The following AKAP7 variants were observed in gnomAD, a reference collection of about 807,000 sequenced individuals.
The protein encoded by AKAP7 is A-kinase anchoring protein 7.
A neutral mutation model predicts 39.5 loss-of-function variants in AKAP7; 39 were observed. That is an observed-to-expected ratio of 0.99 (90% CI 0.76 to 1.29). AKAP7 has a LOEUF of 1.29. Ranked by LOEUF, AKAP7 falls within the 50% of genes most tolerant of loss-of-function variation. The probability of loss-of-function intolerance (pLI) is 0.00; values close to 1 mark genes in which losing one functional copy is unlikely to be tolerated. For missense variants in AKAP7, 414 were observed against 407.7 expected (o/e 1.02, Z -0.13); for synonymous variants, 140 against 139.1 (o/e 1.01, Z -0.05).
intron 7 of AKAP7, among the ~76,000 whole-genome samples, chr6:131,247,272 T>C (rs1812078228): frequency 1.8e-4 from 1 of 5,588 alleles, no homozygotes; most frequent in South Asian, 6.3e-3. Context: ...TTCATATGTA[T>C]ATATATATAT....
chr6:131,134,310 C>T (rs1296357838), upstream of AKAP7, among the ~76,000 whole-genome samples: 1 of 152,058 alleles, frequency 6.6e-6, no homozygotes. Flanking sequence ...GTCACCTTTA[C>T]GAAGGGAAAT....
At chr6:131,249,011 T>C (rs1000615651) in intron 7 of AKAP7, among the ~76,000 whole-genome samples, 4 of 152,190 alleles carry the variant, frequency 2.6e-5, no homozygotes, top group Non-Finnish European at 4.4e-5. Context: ...GTGTCCTCTT[T>C]AAACCAAGGT....
intron 1 of AKAP7, among the ~76,000 whole-genome samples, chr6:131,141,456 T>C (rs1003223765): frequency 6.6e-6 from 1 of 152,210 alleles, no homozygotes; most frequent in African/African-American, 2.4e-5. Flanking sequence ...AAATAAACTT[T>C]TCTTTAGTAA....
chr6:131,276,515 T>A (rs1814756447), intron 7 of AKAP7, among the ~76,000 whole-genome samples: 1 of 152,070 alleles, frequency 6.6e-6, no homozygotes, highest in Non-Finnish European at 1.5e-5. Flanking sequence ...ATTTAGTGCT[T>A]CTTTTTAGTT....
chr6:131,234,784 C>G (rs1056333992), intron 7 of AKAP7, among the ~76,000 whole-genome samples: 7 of 151,024 alleles, frequency 4.6e-5, no homozygotes, highest in African/African-American at 7.3e-5. Context: ...TTATTAAGAC[C>G]ATAAATTCCA....
At chr6:131,138,015 T>C (rs773419458) in intron 1 of AKAP7, among the ~76,000 whole-genome samples, 1 of 152,210 alleles carries the variant, frequency 6.6e-6, no homozygotes, top group Non-Finnish European at 1.5e-5. Flanking sequence ...TTGTTCGTAG[T>C]TGTCATTGTC....
upstream of AKAP7, among the ~76,000 whole-genome samples, chr6:131,135,035 CTT>C (rs922206927): frequency 6.6e-6 from 1 of 152,156 alleles, no homozygotes; most frequent in South Asian, 2.1e-4. Flanking sequence ...AAATTAGAGA[CTT>C]TGTCACAATT....
intron 5 of AKAP7, among the ~76,000 whole-genome samples, chr6:131,178,957 CAG>C (rs1804843563): frequency 6.6e-6 from 1 of 152,206 alleles, no homozygotes; most frequent in Non-Finnish European, 1.5e-5. Context: ...CTGGACTCAA[CAG>C]AGTCTTTTCT....
At chr6:131,205,167 A>G (rs1263230572) in intron 6 of AKAP7, among the ~76,000 whole-genome samples, 1 of 152,188 alleles carries the variant, frequency 6.6e-6, no homozygotes, top group Non-Finnish European at 1.5e-5. Context: ...ATAATGCGAT[A>G]TTCTGTAGTG....
chr6:131,179,108 A>G (rs1804860880), intron 5 of AKAP7, among the ~76,000 whole-genome samples: 1 of 152,096 alleles, frequency 6.6e-6, no homozygotes, highest in Non-Finnish European at 1.5e-5. Flanking sequence ...CTATCACTGT[A>G]CCCAGTGGGA....
chr6:131,150,696 C>CA (rs1449698090), intron 2 of AKAP7, among the ~76,000 whole-genome samples: 1 of 152,118 alleles, frequency 6.6e-6, no homozygotes, highest in East Asian at 1.9e-4. Context: ...TGTTATGTAC[C>CA]AGGTACTGTT....
chr6:131,174,152 C>T (rs529084158), intron 5 of AKAP7, among the ~76,000 whole-genome samples: 1 of 152,190 alleles, frequency 6.6e-6, no homozygotes, highest in Non-Finnish European at 1.5e-5. Flanking sequence ...CTTTTCCCCT[C>T]ATACAATCAC....
chr6:131,228,544 C>T (rs192800424), intron 7 of AKAP7, among the ~76,000 whole-genome samples: 21 of 152,020 alleles, frequency 1.4e-4, no homozygotes, highest in South Asian at 4.2e-4. Context: ...TTTGTAGAGA[C>T]GGGGTCTCCC....
At position 131,282,238 on chromosome 6, in the gene AKAP7, A is replaced by G; in HGVS notation, c.*512A>G. Reference sequence around the variant, plus strand: ...GCTGTTGCTATGCAGTGTGATCTTTATTTATAGTAAATTATGTTTCATGTA... The same window carrying G: ...GCTGTTGCTATGCAGTGTGATCTTTGTTTATAGTAAATTATGTTTCATGTA... On this transcript the variant is annotated 3_prime_UTR_variant, in exon 8 of 8. Coordinates refer to ENST00000431975, the MANE Select transcript of AKAP7 (RefSeq NM_016377.4). 7.4e-7 allele frequency: 1 copy of G among 1,346,422 alleles called. No homozygotes were observed. The highest frequency in any genetic ancestry group is 9.5e-7 in the Non-Finnish European group (1 of 1,055,054). 83.4% of individuals were successfully genotyped at this position (1,346,422 alleles called of 1,614,324 possible).
chr6:131,189,948 A>C (rs1226466888), intron 5 of AKAP7, among the ~76,000 whole-genome samples: 2 of 152,182 alleles, frequency 1.3e-5, no homozygotes, highest in East Asian at 3.8e-4. Context: ...AAGCAATCTC[A>C]ATTATTCATA....
At chr6:131,160,654 A>G (rs1264582060) in intron 3 of AKAP7, among the ~76,000 whole-genome samples, 1 of 152,258 alleles carries the variant, frequency 6.6e-6, no homozygotes, top group Non-Finnish European at 1.5e-5. Context: ...AGTTGAAAAA[A>G]GAGGATTCTG....
intron 5 of AKAP7, chr6:131,185,354 T>A: frequency 1.9e-6 from 1 of 527,478 alleles, no homozygotes; most frequent in Non-Finnish European, 3.6e-6. Flanking sequence ...TACTCCAGTC[T>A]GTGAGGCCAA....
intron 6 of AKAP7, among the ~76,000 whole-genome samples, chr6:131,217,561 T>C (rs1306898025): frequency 6.6e-6 from 1 of 152,168 alleles, no homozygotes; most frequent in African/African-American, 2.4e-5. Context: ...TTTTGAACCA[T>C]AGCTCTCTCT....
chr6:131,233,783 G>T (rs906554320), intron 7 of AKAP7, among the ~76,000 whole-genome samples: 2 of 152,084 alleles, frequency 1.3e-5, no homozygotes, highest in African/African-American at 4.8e-5. Context: ...CATTTATGAG[G>T]TTATCTAATC....
Sources: gnomAD v4.1 joint callset for allele counts (sites outside exome capture counted in the v4.1 genomes callset) on GRCh38, gnomAD v4.1.1 for gene constraint, MANE v1.5 for transcripts, NCBI Gene and HGNC (gene_info 2026-07-23, HGNC 2026-07-21) for gene names.